The following PTPRD variants were observed in gnomAD, a reference collection of about 807,000 sequenced individuals.
PTPRD encodes the protein receptor-type tyrosine-protein phosphatase delta.
In PTPRD, 34 loss-of-function variants were observed where a neutral mutation model predicts 214.5. That is an observed-to-expected ratio of 0.16 (90% CI 0.12 to 0.21). The LOEUF (loss-of-function observed/expected upper bound fraction) is 0.21, where lower values mean the gene tolerates loss of function less well. Ranked by LOEUF, PTPRD falls within the 10% of genes least tolerant of loss-of-function variation. The pLI, the probability that PTPRD is intolerant of heterozygous loss-of-function variation, is 1.00. For missense variants in PTPRD, 2,545 were observed against 2,398.7 expected, an observed-to-expected ratio of 1.06 and a Z score of -1.27; for synonymous variants, 1,128 against 845.7, an observed-to-expected ratio of 1.33 and a Z score of -5.79.
chr9:9,803,094 C>G (rs551895875), intron 5 of PTPRD, among the ~76,000 whole-genome samples: 1 of 151,844 alleles, frequency 6.6e-6, no homozygotes, highest in South Asian at 2.1e-4. Flanking sequence ...ATTTAAAAAT[C>G]TATAATTAGG....
intron 7 of PTPRD, among the ~76,000 whole-genome samples, chr9:9,663,450 C>T (rs1341239802): frequency 6.6e-6 from 1 of 151,360 alleles, no homozygotes; most frequent in African/African-American, 2.4e-5. Context: ...CAGAATTCAA[C>T]CCAGATTGGT....
chr9:10,187,543 C>T lies in PTPRD; in HGVS notation c.-545+153420G>A, dbSNP rs558297690. ...AGCTTTGAACTTGGCCTTTCGAATT[C>T]CTTCCAGTTCTAACTTGCAGTGAGT... On this transcript the variant is annotated intron_variant, in intron 3 of 45. Coordinates refer to ENST00000381196, the MANE Select transcript of PTPRD (RefSeq NM_002839.4). Among the ~76,000 whole-genome samples the T allele has an allele frequency of 7.9e-5, 12 of 152,306 alleles. No individual in the cohort carries two copies. In the South Asian group the frequency reaches 2.5e-3, roughly 32 times the overall value.
chr9:10,177,804 C>G (rs554489346), intron 3 of PTPRD, among the ~76,000 whole-genome samples: 1 of 151,972 alleles, frequency 6.6e-6, no homozygotes, highest in African/African-American at 2.4e-5. Context: ...AATACTGACT[C>G]ATCTGTAAAT....
chr9:9,983,963 G>A (rs2095625406), intron 4 of PTPRD, among the ~76,000 whole-genome samples: 1 of 152,022 alleles, frequency 6.6e-6, no homozygotes, highest in South Asian at 2.1e-4. Flanking sequence ...GCTTGATTTA[G>A]TATGCCTATT....
At chr9:9,392,200 A>G (rs934229918) in intron 9 of PTPRD, among the ~76,000 whole-genome samples, 4 of 152,282 alleles carry the variant, frequency 2.6e-5, no homozygotes, top group African/African-American at 9.6e-5. Context: ...ACATACAGTA[A>G]TCTGGGCACA....
At chr9:9,167,558 C>T (rs565528318) in intron 10 of PTPRD, among the ~76,000 whole-genome samples, 10 of 151,998 alleles carry the variant, frequency 6.6e-5, no homozygotes, top group African/African-American at 2.4e-4. Flanking sequence ...AGTTCGAGAC[C>T]AGCCTGATCA....
At chr9:8,660,584 C>A (rs2097021544) in intron 12 of PTPRD, among the ~76,000 whole-genome samples, 2 of 152,114 alleles carry the variant, frequency 1.3e-5, no homozygotes, top group African/African-American at 4.8e-5. Flanking sequence ...GCTCCCAGCC[C>A]CTCAGTGAAC....
intron 2 of PTPRD, among the ~76,000 whole-genome samples, chr9:10,416,850 G>C (rs2098495271): frequency 6.6e-6 from 1 of 151,794 alleles, no homozygotes. Context: ...GTGTAGAATT[G>C]ATGGGCATAG....
In PTPRD at chr9:8,341,837, T is replaced by C. The variant is rs2132508012; in HGVS notation, c.4803A>G (p.Gln1601=). ...QRNYMVQTED[Q]YIFIHDALLE... Reference sequence around the variant, plus strand: ...ACAGTGCATCATGGATAAAGATGTATTGGTCTTCTGTTTGAACCATATAGT... The same window carrying C: ...ACAGTGCATCATGGATAAAGATGTACTGGTCTTCTGTTTGAACCATATAGT... The change falls in exon 40 of 46, where the codon CAA becomes CAG. Residue 1601 remains glutamine (Q), a synonymous_variant. Transcript: ENST00000381196. 6.2e-7 allele frequency: 1 copy of C among 1,613,582 alleles called. No homozygotes were observed. The highest frequency in any genetic ancestry group is 8.5e-7 in the Non-Finnish European group (1 of 1,179,720).
At chr9:9,252,498 T>A (rs959694548) in intron 9 of PTPRD, among the ~76,000 whole-genome samples, 1 of 152,062 alleles carries the variant, frequency 6.6e-6, no homozygotes, top group Non-Finnish European at 1.5e-5. Flanking sequence ...TTGTTTTGTT[T>A]TGAGACAGCT....
At position 10,036,282 on chromosome 9, in the gene PTPRD, G is replaced by T. The variant is rs138982160; in HGVS notation, c.-544-2492C>A. Among the ~76,000 whole-genome samples, 88 of 152,200 alleles carry T rather than the reference G, an allele frequency of 5.8e-4. 2 individuals carry two copies. In the East Asian group the frequency reaches 0.015, roughly 25 times the overall value. ...TGACATCTAAGACATACAAATGGTA[G>T]ATTGTTGACAGGTAAATGATCATCA... On this transcript the variant is annotated intron_variant, in intron 3 of 45. Coordinates refer to ENST00000381196, the MANE Select transcript of PTPRD (RefSeq NM_002839.4).
At chr9:8,661,002 T>A (rs1227960495) in intron 12 of PTPRD, among the ~76,000 whole-genome samples, 1 of 152,140 alleles carries the variant, frequency 6.6e-6, no homozygotes, top group Admixed American at 6.6e-5. Flanking sequence ...ACTCTGGCTA[T>A]GAAAGAGCTT....
At chr9:10,379,203 T>C (rs1473256527) in intron 2 of PTPRD, among the ~76,000 whole-genome samples, 2 of 151,844 alleles carry the variant, frequency 1.3e-5, no homozygotes, top group East Asian at 3.9e-4. Flanking sequence ...ATGTGCACAA[T>C]CCTGCAAATT....
At chr9:9,413,383 G>C (rs1228080520) in intron 8 of PTPRD, among the ~76,000 whole-genome samples, 1 of 151,686 alleles carries the variant, frequency 6.6e-6, no homozygotes, top group Non-Finnish European at 1.5e-5. Flanking sequence ...CAAAGTGCTG[G>C]GATTACAGGC....
chr9:8,331,881 G>A, intron 43 of PTPRD, 145 bp from the exon 44 acceptor site: 2 of 951,452 alleles, frequency 2.1e-6, no homozygotes, highest in African/African-American at 1.7e-5. Context: ...TAGAAACTTA[G>A]TTATGGTTTA....
intron 5 of PTPRD, among the ~76,000 whole-genome samples, chr9:9,883,754 C>T (rs916592795): frequency 6.6e-6 from 1 of 152,070 alleles, no homozygotes. Context: ...ATCATTTAGC[C>T]GTATACTGTG....
At chr9:9,099,746 C>T (rs999061055) in intron 10 of PTPRD, among the ~76,000 whole-genome samples, 2 of 152,146 alleles carry the variant, frequency 1.3e-5, no homozygotes, top group Admixed American at 6.5e-5. Context: ...TTTTATGGCC[C>T]ATGGTTTCTA....
At chr9:9,178,416 T>G (rs2099926240) in intron 10 of PTPRD, among the ~76,000 whole-genome samples, 2 of 152,026 alleles carry the variant, frequency 1.3e-5, no homozygotes, top group South Asian at 4.1e-4. Context: ...TGATGTGGTT[T>G]TAAACACAGA....
intron 9 of PTPRD, among the ~76,000 whole-genome samples, chr9:9,297,825 T>C (rs763191903): frequency 6.6e-6 from 1 of 151,550 alleles, no homozygotes; most frequent in Non-Finnish European, 1.5e-5. Flanking sequence ...GCTTAGGACA[T>C]TGGCAGTGGG....
Sources: gnomAD v4.1 joint callset for allele counts (sites outside exome capture counted in the v4.1 genomes callset) on GRCh38, gnomAD v4.1.1 for gene constraint, MANE v1.5 for transcripts, NCBI Gene and HGNC (gene_info 2026-07-23, HGNC 2026-07-21) for gene names.